The following SYT1 variants were observed in gnomAD, a reference collection of about 807,000 sequenced individuals.
SYT1 encodes the protein synaptotagmin 1.
A neutral mutation model predicts 44.8 loss-of-function variants in SYT1; 8 were observed. The ratio of observed to expected loss-of-function variants is 0.18; its 90% CI spans 0.10 to 0.32. The LOEUF (loss-of-function observed/expected upper bound fraction) is 0.32, where lower values mean the gene tolerates loss of function less well. Among genes scored for constraint, SYT1 ranks in the 10% least tolerant of loss-of-function variants. The probability of loss-of-function intolerance (pLI) is 1.00; values close to 1 mark genes in which losing one functional copy is unlikely to be tolerated. For missense variants in SYT1, 286 were observed against 509.3 expected (o/e 0.56, Z 4.22); for synonymous variants, 154 against 188.8 (o/e 0.82, Z 1.51).
Position 79,082,792 on chromosome 12 carries a change from G to A in SYT1, c.-18+35430G>A, listed in dbSNP as rs74110137. ...AGGGACCAGTTAGGGGAGGTCCAAG[G>A]TGAGGCCCCAGTGCATGTGTTAGAT... On this transcript the variant is annotated intron_variant, in intron 3 of 10. Coordinates refer to ENST00000261205, the MANE Select transcript of SYT1 (RefSeq NM_005639.3). Among the ~76,000 whole-genome samples the A allele has an allele frequency of 8.9e-3, 1,348 of 152,206 alleles. 24 individuals are homozygous for A. Among genetic ancestry groups the A allele is most frequent in the African/African-American group, 0.03 (1,260 of 41,520 alleles).
chr12:79,112,334 G>A (rs975784279), intron 3 of SYT1, among the ~76,000 whole-genome samples: 2 of 152,084 alleles, frequency 1.3e-5, no homozygotes, highest in South Asian at 2.1e-4. Context: ...ATGTGGAGAC[G>A]TGTGGGGCAT....
rs1462267696 is a variant in SYT1 at position 79,292,705 on chromosome 12, A to G, written c.474+575A>G. Among the ~76,000 whole-genome samples the G allele has an allele frequency of 3.3e-5, 5 of 152,170 alleles. No individual in the cohort carries two copies. In the East Asian group the frequency reaches 7.7e-4, roughly 23 times the overall value. On this transcript the variant is annotated intron_variant, in intron 6 of 10. Transcript: ENST00000261205. The stretch of plus-strand genomic sequence containing the variant: ...GTGAGAAAACCAGAGACTTACTTCT[A>G]GTGCCTAGGAATATTGCCCAAAAAG...
At chr12:79,213,783 G>C (rs1874612867) in intron 3 of SYT1, among the ~76,000 whole-genome samples, 1 of 152,106 alleles carries the variant, frequency 6.6e-6, no homozygotes, top group African/African-American at 2.4e-5. Context: ...AAATTAGTCA[G>C]GTGTGTTGGT....
chr12:79,043,668 T>C, intron 2 of SYT1, among the ~76,000 whole-genome samples: 1 of 152,108 alleles, frequency 6.6e-6, no homozygotes, highest in East Asian at 1.9e-4. Flanking sequence ...ATCCTGTCAT[T>C]ATGATGTTAG....
At chr12:79,251,582 A>G (rs1234556049) in intron 4 of SYT1, among the ~76,000 whole-genome samples, 2 of 152,178 alleles carry the variant, frequency 1.3e-5, no homozygotes, top group African/African-American at 4.8e-5. Flanking sequence ...CACACTCTGT[A>G]GTCATCGCCT....
chr12:79,129,233 G>C (rs1486251725), intron 3 of SYT1, among the ~76,000 whole-genome samples: 1 of 152,138 alleles, frequency 6.6e-6, no homozygotes, highest in African/African-American at 2.4e-5. Context: ...TTTTAGCAAT[G>C]TATAAATTCA....
At chr12:79,185,110 C>G (rs549858190) in intron 3 of SYT1, among the ~76,000 whole-genome samples, 1 of 152,128 alleles carries the variant, frequency 6.6e-6, no homozygotes, top group Admixed American at 6.6e-5. Flanking sequence ...CTCAGGAGCA[C>G]TAGTTATGCT....
intron 2 of SYT1, among the ~76,000 whole-genome samples, chr12:79,031,012 C>G (rs1872795834): frequency 6.6e-6 from 1 of 150,992 alleles, no homozygotes; most frequent in Non-Finnish European, 1.5e-5. Context: ...ACTTTTGGAG[C>G]TGCTGCTCAT....
intron 1 of SYT1, among the ~76,000 whole-genome samples, chr12:78,963,210 G>A (rs1879605424): frequency 6.6e-6 from 1 of 151,754 alleles, no homozygotes; most frequent in Admixed American, 6.6e-5. Context: ...CCATTTATCT[G>A]TATTCTTAAA....
At chr12:79,025,720 A>G (rs1412842293) in intron 2 of SYT1, among the ~76,000 whole-genome samples, 1 of 151,550 alleles carries the variant, frequency 6.6e-6, no homozygotes, top group Non-Finnish European at 1.5e-5. Flanking sequence ...CTTGTAATGT[A>G]TGCATTCATA....
At chr12:79,234,762 G>A (rs1317619108) in intron 4 of SYT1, among the ~76,000 whole-genome samples, 1 of 146,724 alleles carries the variant, frequency 6.8e-6, no homozygotes, top group East Asian at 2.0e-4. Context: ...CCAGGCTGGA[G>A]TGCAGTGGCG....
chr12:79,246,346 C>G (rs1876849699), intron 4 of SYT1, among the ~76,000 whole-genome samples: 1 of 152,166 alleles, frequency 6.6e-6, no homozygotes, highest in Admixed American at 6.5e-5. Flanking sequence ...TCATGATACC[C>G]CTTTCATAAG....
At chr12:79,037,060 GT>G (rs571047064) in intron 2 of SYT1, among the ~76,000 whole-genome samples, 91 of 151,910 alleles carry the variant, frequency 6.0e-4, no homozygotes, top group African/African-American at 2.2e-3. Flanking sequence ...ATTTATTTAT[GT>G]GACAGGTACT....
At chr12:78,882,956 G>T (rs2137058897) in intron 1 of SYT1, among the ~76,000 whole-genome samples, 1 of 151,476 alleles carries the variant, frequency 6.6e-6, no homozygotes, top group Non-Finnish European at 1.5e-5. Context: ...CTCATTTTCA[G>T]AAACTACCTA....
chr12:79,220,132 A>G (rs1487568226), intron 4 of SYT1, among the ~76,000 whole-genome samples: 2 of 152,048 alleles, frequency 1.3e-5, no homozygotes, highest in African/African-American at 4.8e-5. Flanking sequence ...CTATTTCTTC[A>G]TAATTCAACC....
rs530245471 is a variant in SYT1, at chr12:78,946,513, G to T, written c.-216-31286G>T. Among the ~76,000 whole-genome samples the T allele has an allele frequency of 1.4e-4, 21 of 152,074 alleles. 1 individual carries two copies. In the South Asian group the frequency reaches 3.5e-3, roughly 26 times the overall value. On this transcript the variant is annotated intron_variant, in intron 1 of 10. Transcript: ENST00000261205. ...TTACTAAAAATACAGAAATTAGCCA[G>T]GTGTGGTGGCACACACCTGCAATCC...
At chr12:78,958,735 A>T (rs1279603825) in intron 1 of SYT1, among the ~76,000 whole-genome samples, 1 of 151,978 alleles carries the variant, frequency 6.6e-6, no homozygotes, top group Non-Finnish European at 1.5e-5. Context: ...GTTTATGGTG[A>T]TTGAGTTTTA....
chr12:79,322,722 CTT>C (rs984731996), intron 8 of SYT1, among the ~76,000 whole-genome samples: 2 of 152,024 alleles, frequency 1.3e-5, no homozygotes, highest in African/African-American at 4.8e-5. Flanking sequence ...ACCAGAATCT[CTT>C]TTTTGGAGTG....
chr12:79,050,317 G>A (rs2137784841), intron 3 of SYT1, among the ~76,000 whole-genome samples: 1 of 150,776 alleles, frequency 6.6e-6, no homozygotes, highest in East Asian at 2.0e-4. Flanking sequence ...AGGAGGAGAA[G>A]GAAGAGGAGG....
Sources: gnomAD v4.1 joint callset for allele counts (sites outside exome capture counted in the v4.1 genomes callset) on GRCh38, gnomAD v4.1.1 for gene constraint, MANE v1.5 for transcripts, NCBI Gene and HGNC (gene_info 2026-07-23, HGNC 2026-07-21) for gene names.